The following PRKAR1B variants were observed in gnomAD, a reference collection of about 807,000 sequenced individuals.
PRKAR1B encodes protein kinase cAMP-dependent type I regulatory subunit beta.
A neutral mutation model predicts 46.5 loss-of-function variants in PRKAR1B; 22 were observed. The ratio of observed to expected loss-of-function variants is 0.47; its 90% CI spans 0.34 to 0.68. The LOEUF is 0.68. PRKAR1B is among the 30% of genes least tolerant of loss of function. The pLI is 0.01. For missense variants in PRKAR1B, 445 were observed against 535.6 expected (o/e 0.83, Z 1.67); for synonymous variants, 259 against 217.7 (o/e 1.19, Z -1.67).
chr7:658,671 G>C (rs757034443), intron 4 of PRKAR1B, among the ~76,000 whole-genome samples: 1 of 152,042 alleles, frequency 6.6e-6, no homozygotes, highest in Admixed American at 6.6e-5. Context: ...GTTTTTTTGA[G>C]ATAGAGTCTT....
chr7:626,961 G>A (rs1783437948), intron 4 of PRKAR1B, among the ~76,000 whole-genome samples: 1 of 151,960 alleles, frequency 6.6e-6, no homozygotes. Flanking sequence ...TGCAAGCTCC[G>A]CCTCCCGGGT....
intron 2 of PRKAR1B, chr7:691,901 C>T: frequency 9.1e-7 from 1 of 1,101,004 alleles, no homozygotes; most frequent in Non-Finnish European, 1.1e-6. Context: ...ACAGACGCCT[C>T]CCTGGAGCTG....
intron 2 of PRKAR1B, 146 bp from the exon 3 acceptor site, chr7:680,872 G>C: frequency 1.1e-6 from 1 of 909,226 alleles, no homozygotes; most frequent in Non-Finnish European, 1.6e-6. Flanking sequence ...GTTAGGCTTT[G>C]TGTCCCCACC....
At chr7:652,680 G>C (rs1027337303) in intron 4 of PRKAR1B, among the ~76,000 whole-genome samples, 5 of 152,268 alleles carry the variant, frequency 3.3e-5, no homozygotes, top group Admixed American at 3.3e-4. Context: ...TGATGTGGGA[G>C]TGTCTCGTTT....
intron 9 of PRKAR1B, among the ~76,000 whole-genome samples, chr7:572,539 T>G (rs1245198387): frequency 6.6e-6 from 1 of 152,198 alleles, no homozygotes; most frequent in Non-Finnish European, 1.5e-5. Context: ...CTGCAGGTAT[T>G]CATGCCTCAC....
chr7:614,543 G>A (rs1160290911), intron 4 of PRKAR1B, among the ~76,000 whole-genome samples: 4 of 152,096 alleles, frequency 2.6e-5, no homozygotes, highest in African/African-American at 9.7e-5. Context: ...GAGGTGAAAG[G>A]ATCGCTGGGC....
intron 4 of PRKAR1B, among the ~76,000 whole-genome samples, chr7:670,772 G>C (rs540354389): frequency 7.8e-6 from 1 of 128,628 alleles, no homozygotes; most frequent in Non-Finnish European, 1.7e-5. Context: ...CACGGCATCC[G>C]GCAGAGGGGC....
intron 4 of PRKAR1B, among the ~76,000 whole-genome samples, chr7:664,154 T>C (rs1315762967): frequency 6.6e-6 from 1 of 151,990 alleles, no homozygotes; most frequent in Non-Finnish European, 1.5e-5. Flanking sequence ...CAGACCCCCA[T>C]CCCCAGCCAG....
chr7:549,345 T>A lies in PRKAR1B; in HGVS notation c.*1085A>T, dbSNP rs1784034288. 2 of 152,214 alleles carry A rather than the reference T, an allele frequency of 1.3e-5. No homozygotes were observed. Among genetic ancestry groups the A allele is most frequent in the African/African-American group, 2.4e-5 (1 of 41,444 alleles). The allele number at this position is 152,214 out of a possible 1,614,324, so 9.4% of individuals were successfully genotyped here. On this transcript the variant is annotated 3_prime_UTR_variant, in exon 11 of 11. Coordinates refer to ENST00000537384, the MANE Select transcript of PRKAR1B (RefSeq NM_001164760.2). ...GTGGGGAGGGGGACCCCACGCATCG[T>A]AACCGCCAGCAGGGGAGGGGCTGCA...
At chr7:634,859 C>T (rs1000740714) in intron 4 of PRKAR1B, among the ~76,000 whole-genome samples, 1 of 152,004 alleles carries the variant, frequency 6.6e-6, no homozygotes, top group Non-Finnish European at 1.5e-5. Flanking sequence ...AGGCTGGTTT[C>T]GAACTCCTGA....
chr7:564,668 G>T (rs1040030348), intron 9 of PRKAR1B, among the ~76,000 whole-genome samples: 4 of 152,184 alleles, frequency 2.6e-5, no homozygotes, highest in African/African-American at 4.8e-5. Context: ...AACTGCCCAG[G>T]GCGCCAGCAC....
chr7:677,096 G>T, intron 4 of PRKAR1B, 133 bp downstream of exon 4: 1 of 844,478 alleles, frequency 1.2e-6, no homozygotes. Flanking sequence ...TCCCAGGCGA[G>T]CAACGGGGGC....
At chr7:578,795 C>G (rs1188348432) in intron 9 of PRKAR1B, 1 of 237,912 alleles carries the variant, frequency 4.2e-6, no homozygotes, top group African/African-American at 2.4e-5. Context: ...GATTCTCCTG[C>G]TTCAGCCTCC....
At chr7:581,104 C>A (rs893874446) in intron 8 of PRKAR1B, among the ~76,000 whole-genome samples, 2 of 152,258 alleles carry the variant, frequency 1.3e-5, no homozygotes, top group African/African-American at 4.8e-5. Context: ...GAGATCGAGA[C>A]CATCCTGGCT....
In PRKAR1B at chr7:639,946, C is replaced by CCT. The variant is rs534343187; in HGVS notation, c.441-32495_441-32494insAG. Reference sequence around the variant, plus strand: ...TTGGGAGGTCAAGGTGGGCGGATCACAAGGTCAGGAGTTTGAGACCAGCCT... The same window carrying CCT: ...TTGGGAGGTCAAGGTGGGCGGATCACCTAAGGTCAGGAGTTTGAGACCAGCCT... On this transcript the variant is annotated intron_variant, in intron 4 of 10. Coordinates refer to ENST00000537384, the MANE Select transcript of PRKAR1B (RefSeq NM_001164760.2). Among the ~76,000 whole-genome samples, 314 of 152,018 alleles carry CCT rather than the reference C, an allele frequency of 2.1e-3. 1 individual carries two copies. The highest frequency in any genetic ancestry group is 7.1e-3 in the African/African-American group (293 of 41,470).
At chr7:715,400 G>A (rs1160374627) in intron 1 of PRKAR1B, among the ~76,000 whole-genome samples, 2 of 152,050 alleles carry the variant, frequency 1.3e-5, no homozygotes, top group African/African-American at 4.8e-5. Flanking sequence ...GGACCACGTG[G>A]ACCTCAACAG....
intron 2 of PRKAR1B, among the ~76,000 whole-genome samples, chr7:709,416 G>C (rs1248710660): frequency 2.0e-5 from 3 of 147,828 alleles, no homozygotes; most frequent in Non-Finnish European, 4.4e-5. Context: ...TGTCGCCCAG[G>C]CTAGAGTGCA....
intron 4 of PRKAR1B, among the ~76,000 whole-genome samples, chr7:645,784 G>A (rs1011185600): frequency 2.6e-5 from 4 of 152,114 alleles, no homozygotes; most frequent in Non-Finnish European, 5.9e-5. Flanking sequence ...CTACTGGGAG[G>A]GGACCGTGAG....
chr7:646,555 C>T (rs1279789147), intron 4 of PRKAR1B, among the ~76,000 whole-genome samples: 1 of 152,212 alleles, frequency 6.6e-6, no homozygotes, highest in Non-Finnish European at 1.5e-5. Context: ...GAAAGAAGAG[C>T]GGAGCTCGTT....
Sources: allele counts gnomAD v4.1 joint callset (sites outside exome capture counted in the v4.1 genomes callset), GRCh38; gene constraint gnomAD v4.1.1; transcripts MANE v1.5; gene names NCBI Gene and HGNC (gene_info 2026-07-23, HGNC 2026-07-21).